Variants in BAZ1A observed in about 807,000 individuals in gnomAD.
BAZ1A encodes the protein bromodomain adjacent to zinc finger domain protein 1A.
A neutral mutation model predicts 185.2 loss-of-function variants in BAZ1A; 50 were observed. That is an observed-to-expected ratio of 0.27 (90% confidence interval 0.22 to 0.34). The LOEUF is 0.34. BAZ1A is among the 10% of genes least tolerant of loss of function. The pLI is 1.00. For missense variants in BAZ1A, 1,356 were observed against 1,839.9 expected (o/e 0.74, Z 4.81); for synonymous variants, 571 against 615.6 (o/e 0.93, Z 1.07).
rs542467177 is a variant in BAZ1A, at chr14:34,828,614, C to T, written c.393-2458G>A. ...CCTTCTCAACATCAAATGTCCATAT[C>T]CTTCATAATTGTTCATATTCTGATG... On this transcript the variant is annotated intron_variant, in intron 3 of 26. Transcript: ENST00000360310. 9.6e-4 allele frequency: 146 copies of T among 152,318 alleles called. 1 individual carries two copies. The highest frequency in any genetic ancestry group is 3.2e-3 in the African/African-American group (132 of 41,572). The allele number at this position is 152,318 out of a possible 1,614,324, so 9.4% of individuals were successfully genotyped here. A position where few individuals can be genotyped will look rare whatever the true frequency, so the allele number is the denominator to read the frequency against.
Position 34,875,270 on chromosome 14 carries a change from G to T in BAZ1A, c.-191C>A, listed in dbSNP as rs951961531. On this transcript the variant is annotated 5_prime_UTR_variant, in exon 1 of 27. Coordinates refer to ENST00000360310, the MANE Select transcript of BAZ1A (RefSeq NM_013448.3). ...GGCTGCCGCTTCTCCCGCTGCCACT[G>T]CCCGACTCCGCGCGGGGAATTGCGT... is the stretch of plus-strand genomic sequence containing the variant. 1 of 455,352 alleles carries T rather than the reference G, an allele frequency of 2.2e-6. No homozygotes were observed. The highest frequency in any genetic ancestry group is 2.3e-5 in the Admixed American group (1 of 42,570). The allele number at this position is 455,352 out of a possible 1,614,324, so 28.2% of individuals were successfully genotyped here.
intron 6 of BAZ1A, among the ~76,000 whole-genome samples, chr14:34,804,592 C>G (rs1594857846): frequency 1.3e-5 from 2 of 152,298 alleles, no homozygotes; most frequent in East Asian, 3.9e-4. Flanking sequence ...ATCAAAATTT[C>G]CCATTAAAGA....
intron 3 of BAZ1A, among the ~76,000 whole-genome samples, chr14:34,841,371 C>T (rs11847490): frequency 0.021 from 3,268 of 152,192 alleles, 137 homozygotes; most frequent in African/African-American, 0.075. Flanking sequence ...GTAACATAAT[C>T]ACTAGCCAAA....
chr14:34,795,822 G>C (rs141457934), intron 9 of BAZ1A, 57 bp from the exon 10 acceptor site: 25 of 1,303,560 alleles, frequency 1.9e-5, no homozygotes, highest in Non-Finnish European at 2.7e-5. Flanking sequence ...TGGCAGCATC[G>C]GCATCTCCTG....
intron 20 of BAZ1A, among the ~76,000 whole-genome samples, chr14:34,773,341 A>G (rs2138579568): frequency 6.6e-6 from 1 of 152,272 alleles, no homozygotes; most frequent in Non-Finnish European, 1.5e-5. Flanking sequence ...AAACTTTAAG[A>G]AATTATCATT....
intron 9 of BAZ1A, among the ~76,000 whole-genome samples, chr14:34,798,125 C>T (rs879372015): frequency 2.0e-5 from 3 of 152,176 alleles, no homozygotes; most frequent in Admixed American, 6.5e-5. Flanking sequence ...GGGGAGGGGG[C>T]GTCCGCCACT....
At chr14:34,817,515 G>C (rs4982220) in intron 4 of BAZ1A, among the ~76,000 whole-genome samples, 2,025 of 152,326 alleles carry the variant, frequency 0.013, 52 homozygotes, top group African/African-American at 0.043. Context: ...TTGCGCCTGG[G>C]AGGCGGAGGT....
intron 3 of BAZ1A, among the ~76,000 whole-genome samples, chr14:34,844,797 A>ACG (rs2138770858): frequency 6.6e-6 from 1 of 151,670 alleles, no homozygotes; most frequent in South Asian, 2.1e-4. Flanking sequence ...ACACACACAC[A>ACG]CACACACACA....
chr14:34,823,188 T>C (rs2042113074), intron 4 of BAZ1A, among the ~76,000 whole-genome samples: 1 of 151,808 alleles, frequency 6.6e-6, no homozygotes, highest in African/African-American at 2.4e-5. Flanking sequence ...ACCCACTCTC[T>C]ACTAAAAAAT....
At chr14:34,844,201 G>A (rs1409548934) in intron 3 of BAZ1A, among the ~76,000 whole-genome samples, 3 of 82,188 alleles carry the variant, frequency 3.7e-5, no homozygotes, top group Admixed American at 1.6e-4. Context: ...GCGAGACTCC[G>A]TCTCAAAAAA....
rs1476656305 is a variant in BAZ1A, at chr14:34,783,757, C to G, written c.1997+5G>C. 6.2e-7 allele frequency: 1 copy of G among 1,602,194 alleles called. No homozygotes were observed. The highest frequency in any genetic ancestry group is 1.8e-5 in the Admixed American group (1 of 56,508). On this transcript the variant is annotated splice_donor_5th_base_variant and intron_variant, in intron 15 of 26. Coordinates refer to ENST00000360310, the MANE Select transcript of BAZ1A (RefSeq NM_013448.3). ...ATTAACACAACTATTACAATTATCT[C>G]TTACCTGGCAGCTGCTTCTTCCCTC...
rs190299003 is a variant in BAZ1A at position 34,817,144 on chromosome 14, A to C, written c.537-6108T>G. 2.0e-5 allele frequency among the ~76,000 whole-genome samples: 3 copies of C among 152,332 alleles called. No homozygotes were observed. The East Asian group carries it at 5.8e-4, about 29-fold the overall frequency. ...AAATATTGTTTCTAAAATGCAGCCC[A>C]AACTCTTATCCAGTCCTATTAAATA... On this transcript the variant is annotated intron_variant, in intron 4 of 26. Transcript: ENST00000360310.
At chr14:34,791,148 AAAGAG>A (rs76324326) in intron 12 of BAZ1A, among the ~76,000 whole-genome samples, 4 of 151,434 alleles carry the variant, frequency 2.6e-5, no homozygotes, top group Non-Finnish European at 4.4e-5. Flanking sequence ...AGAGAAGAGA[AAAGAG>A]AAGAGAAGAG....
At chr14:34,836,813 A>C (rs2042338379) in intron 3 of BAZ1A, among the ~76,000 whole-genome samples, 1 of 152,060 alleles carries the variant, frequency 6.6e-6, no homozygotes, top group African/African-American at 2.4e-5. Context: ...TCAGCTATTC[A>C]CACAAAAAGA....
At chr14:34,841,976 T>C (rs1259149941) in intron 3 of BAZ1A, among the ~76,000 whole-genome samples, 2 of 152,166 alleles carry the variant, frequency 1.3e-5, no homozygotes, top group African/African-American at 4.8e-5. Context: ...TTTTAACTTT[T>C]TAATTATTTG....
chr14:34,786,275 G>C, intron 12 of BAZ1A, 54 bp from the exon 13 acceptor site: 1 of 1,480,238 alleles, frequency 6.8e-7, no homozygotes. Flanking sequence ...GAATATTTGG[G>C]AATAATGCCC....
intron 3 of BAZ1A, among the ~76,000 whole-genome samples, chr14:34,836,911 T>C (rs1214703615): frequency 6.6e-6 from 1 of 151,954 alleles, no homozygotes; most frequent in Non-Finnish European, 1.5e-5. Flanking sequence ...TACGTCAATG[T>C]AGCTCAAAGA....
chr14:34,840,588 G>A (rs961432923), intron 3 of BAZ1A, among the ~76,000 whole-genome samples: 1 of 152,056 alleles, frequency 6.6e-6, no homozygotes, highest in South Asian at 2.1e-4. Flanking sequence ...GTGAAATCTC[G>A]TTTCTACTAA....
At chr14:34,794,986 A>G in intron 10 of BAZ1A, 99 bp from the exon 11 acceptor site, 1 of 1,445,736 alleles carries the variant, frequency 6.9e-7, no homozygotes, top group Non-Finnish European at 9.3e-7. Context: ...AAGAAGTATT[A>G]TTTGTAAGCT....
Sources: allele counts gnomAD v4.1 joint callset (sites outside exome capture counted in the v4.1 genomes callset), GRCh38; gene constraint gnomAD v4.1.1; transcripts MANE v1.5; gene names NCBI Gene and HGNC (gene_info 2026-07-23, HGNC 2026-07-21).